Variants in NUBPL observed in about 807,000 individuals in gnomAD.
NUBPL encodes NUBP iron-sulfur cluster assembly factor, mitochondrial.
NUBPL carries 31 observed loss-of-function variants against 45.7 expected under a neutral mutation model. The ratio of observed to expected loss-of-function variants is 0.68; its 90% CI spans 0.51 to 0.92. NUBPL has a LOEUF of 0.92. Ranked by LOEUF, NUBPL falls within the 40% of genes least tolerant of loss-of-function variation. The pLI is 0.00. For synonymous variants in NUBPL, 144 were observed against 140.9 expected (o/e 1.02, Z -0.15); for missense variants, 401 against 398.7 (o/e 1.01, Z -0.05).
At chr14:31,742,796 G>A (rs376309649) in intron 6 of NUBPL, among the ~76,000 whole-genome samples, 56 of 149,128 alleles carry the variant, frequency 3.8e-4, no homozygotes, top group African/African-American at 1.3e-3. Flanking sequence ...TGGTAGAGGT[G>A]GGGTTTCACC....
At chr14:31,764,132 T>C (rs1277198454) in intron 6 of NUBPL, among the ~76,000 whole-genome samples, 1 of 152,178 alleles carries the variant, frequency 6.6e-6, no homozygotes, top group African/African-American at 2.4e-5. Context: ...GGCTTACACC[T>C]CAAACTCTGG....
intron 6 of NUBPL, among the ~76,000 whole-genome samples, chr14:31,763,937 A>G (rs1273437408): frequency 6.6e-6 from 1 of 152,220 alleles, no homozygotes; most frequent in Non-Finnish European, 1.5e-5. Context: ...TGAAATAAAA[A>G]TGACTTATCT....
chr14:31,715,963 CTTTTTTCTGTAAGCTTT>C (rs1412625822), intron 6 of NUBPL, among the ~76,000 whole-genome samples: 1 of 151,788 alleles, frequency 6.6e-6, no homozygotes, highest in Non-Finnish European at 1.5e-5. Flanking sequence ...TCTTTACATC[CTTTTTTCTGTAAGCTTT>C]TTTTTTCTGT....
At chr14:31,587,188 G>T (rs866443532) in intron 3 of NUBPL, among the ~76,000 whole-genome samples, 1 of 152,104 alleles carries the variant, frequency 6.6e-6, no homozygotes, top group African/African-American at 2.4e-5. Context: ...CAAGTTGCCC[G>T]GGTGGTTCTG....
chr14:31,567,392 TTA>T (rs1471684699), intron 3 of NUBPL, among the ~76,000 whole-genome samples: 2 of 152,166 alleles, frequency 1.3e-5, no homozygotes, highest in Non-Finnish European at 2.9e-5. Context: ...TGCTCATTGA[TTA>T]TGTTTTGTGA....
chr14:31,583,124 G>C (rs1319152870), intron 3 of NUBPL, among the ~76,000 whole-genome samples: 2 of 152,178 alleles, frequency 1.3e-5, no homozygotes, highest in Admixed American at 6.5e-5. Flanking sequence ...TGATTAGATA[G>C]GGAAGATGGA....
At chr14:31,763,002 A>T (rs1272270164) in intron 6 of NUBPL, among the ~76,000 whole-genome samples, 1 of 152,200 alleles carries the variant, frequency 6.6e-6, no homozygotes, top group African/African-American at 2.4e-5. Flanking sequence ...TAGCTTATTG[A>T]ATAGTCTTCA....
intron 6 of NUBPL, among the ~76,000 whole-genome samples, chr14:31,693,860 T>C (rs143995973): frequency 0.28 from 36,940 of 133,624 alleles, 5,790 homozygotes; most frequent in South Asian, 0.39. Flanking sequence ...TTCTTTTCTT[T>C]TTTTTTTTTT....
chr14:31,820,936 C>T (rs1338193361), intron 7 of NUBPL, among the ~76,000 whole-genome samples: 2 of 150,374 alleles, frequency 1.3e-5, no homozygotes, highest in African/African-American at 4.9e-5. Flanking sequence ...GCCTGACCAA[C>T]ATGGAGAAAC....
chr14:31,766,657 A>G (rs1215710585), intron 6 of NUBPL, among the ~76,000 whole-genome samples: 3 of 152,192 alleles, frequency 2.0e-5, no homozygotes, highest in African/African-American at 7.2e-5. Context: ...CACATACAAC[A>G]AAGTCAAGTT....
At position 31,647,603 on chromosome 14, in the gene NUBPL, G is replaced by T. The variant is rs142847137; in HGVS notation, c.383-25752G>T. 2.0e-5 allele frequency among the ~76,000 whole-genome samples: 3 copies of T among 152,324 alleles called. No homozygotes were observed. In the East Asian group the frequency reaches 5.8e-4, roughly 29 times the overall value. On this transcript the variant is annotated intron_variant, in intron 4 of 10. Coordinates refer to ENST00000281081, the MANE Select transcript of NUBPL (RefSeq NM_025152.3). ...ACAATGTGGTGCTGCTGAACAGTCA[G>T]TCTGATTTGGCATTTCCTTTGACAG... is the stretch of plus-strand genomic sequence containing the variant.
intron 6 of NUBPL, among the ~76,000 whole-genome samples, chr14:31,729,381 A>G (rs894244205): frequency 6.6e-6 from 1 of 150,446 alleles, no homozygotes; most frequent in Non-Finnish European, 1.5e-5. Context: ...CCTTAGCATT[A>G]TAGGTGACAT....
intron 4 of NUBPL, among the ~76,000 whole-genome samples, chr14:31,659,885 T>A (rs552731535): frequency 2.0e-5 from 3 of 152,288 alleles, no homozygotes; most frequent in East Asian, 1.9e-4. Flanking sequence ...GGCATTTTTT[T>A]AAAACTGAAA....
At chr14:31,850,343 T>G (rs1369693264) in intron 10 of NUBPL, 142 bp downstream of exon 10, 7 of 721,950 alleles carry the variant, frequency 9.7e-6, no homozygotes, top group Admixed American at 4.2e-5. Context: ...CAAAGCATCT[T>G]TAAGTTACTG....
In NUBPL at chr14:31,599,334, G is replaced by T. The variant is rs2034363571; in HGVS notation, c.337G>T (p.Val113Phe). 2 of 1,613,042 alleles carry T rather than the reference G, an allele frequency of 1.2e-6. No individual in the cohort carries two copies. The highest frequency in any genetic ancestry group is 1.7e-5 in the Admixed American group (1 of 60,012). Residue 113 changes from valine to phenylalanine, a missense_variant, in exon 4 of 11, where the codon GTT becomes TTT. Val to Phe is a conservative substitution (Grantham distance 50, BLOSUM62 -1). Transcript: ENST00000281081. ...LLDVDVYGPS[V>F]PKMMNLKGNP... ...AGATGTGGATGTGTATGGACCTTCA[G>T]TTCCAAAGATGATGAATCTGAAAGG...
intron 4 of NUBPL, chr14:31,654,201 C>A: frequency 2.7e-6 from 1 of 371,198 alleles, no homozygotes; most frequent in Non-Finnish European, 5.6e-6. Context: ...TACTGTAGTC[C>A]ATGAAGTGTG....
intron 8 of NUBPL, among the ~76,000 whole-genome samples, chr14:31,842,464 C>T (rs1437370226): frequency 6.6e-6 from 1 of 151,998 alleles, no homozygotes; most frequent in Non-Finnish European, 1.5e-5. Flanking sequence ...ATAAAGGGTT[C>T]TTTAGTTCCA....
chr14:31,831,308 G>T (rs568563865), intron 8 of NUBPL, among the ~76,000 whole-genome samples: 1 of 152,172 alleles, frequency 6.6e-6, no homozygotes, highest in African/African-American at 2.4e-5. Context: ...CTCCCAAAGT[G>T]CTGGGATTAC....
At chr14:31,782,841 G>A (rs1048650868) in intron 6 of NUBPL, among the ~76,000 whole-genome samples, 4 of 152,110 alleles carry the variant, frequency 2.6e-5, no homozygotes, top group African/African-American at 7.2e-5. Context: ...ATTGCCTATT[G>A]CATATCAGTC....
Sources: allele counts gnomAD v4.1 joint callset (sites outside exome capture counted in the v4.1 genomes callset), GRCh38; gene constraint gnomAD v4.1.1; transcripts MANE v1.5; gene names NCBI Gene and HGNC (gene_info 2026-07-23, HGNC 2026-07-21).